The following CENPN variants were observed in gnomAD, a reference collection of about 807,000 sequenced individuals.
CENPN encodes interphase centromere complex protein 32.
In CENPN, 36 loss-of-function variants were observed where a neutral mutation model predicts 48.6. The observed-to-expected ratio is 0.74, with a 90% CI of 0.57 to 0.98. The LOEUF (loss-of-function observed/expected upper bound fraction) is 0.98. CENPN is among the 50% of genes least tolerant of loss of function. CENPN has a pLI of 0.00. For missense variants in CENPN, 439 were observed against 399.2 expected (o/e 1.10, Z -0.85); for synonymous variants, 166 against 135.2 (o/e 1.23, Z -1.58).
Position 81,020,436 on chromosome 16 carries a change from T to C in CENPN, c.531+160T>C, listed in dbSNP as rs867077198. ...TACTTGGGAGGCTGAAGTGGGAGGA[T>C]TGCTCGTGCCCACGAGTCCAAGGCT... On this transcript the variant is annotated intron_variant, in intron 6 of 10. Coordinates refer to ENST00000305850, the MANE Select transcript of CENPN (RefSeq NM_001100624.3). 5 of 647,320 alleles carry C rather than the reference T, an allele frequency of 7.7e-6. No homozygotes were observed. The East Asian group carries it at 9.7e-5, about 13-fold the overall frequency. 40.1% of individuals were successfully genotyped at this position (647,320 alleles called of 1,614,324 possible). A position where few individuals can be genotyped will look rare whatever the true frequency, so the allele number is the denominator to read the frequency against.
Position 81,017,360 on chromosome 16 carries a change from A to T in CENPN, c.252A>T (p.Glu84Asp), listed in dbSNP as rs935939. Residue 84 changes from glutamate (E) to aspartate (D), a missense_variant, in exon 4 of 11, where the codon GAA becomes GAT. Glu to Asp is a conservative substitution (Grantham distance 45). Coordinates refer to ENST00000305850, the MANE Select transcript of CENPN (RefSeq NM_001100624.3). The stretch of plus-strand genomic sequence containing the variant: ...TTCATCAGCACCAGAAAGTTTGGGA[A>T]GTTTTTCAGATGAGTAAAGGACCAG... ...MQFHQHQKVW[E>D]VFQMSKGPGE... 1,593,156 of 1,597,380 alleles carry T rather than the reference A, an allele frequency of 1. 794,563 individuals are homozygous for T. Among genetic ancestry groups the T allele is most frequent in the East Asian group, 1 (44,748 of 44,748 alleles).
At chr16:81,024,238 T>C (rs1249222688) in intron 7 of CENPN, 1 of 129,082 alleles carries the variant, frequency 7.7e-6, no homozygotes, top group Admixed American at 7.9e-5. Flanking sequence ...AGATATTGTC[T>C]AAAAAAAAAA....
chr16:81,007,788 T>C (rs1293790437), intron 1 of CENPN, among the ~76,000 whole-genome samples: 1 of 152,170 alleles, frequency 6.6e-6, no homozygotes, highest in Non-Finnish European at 1.5e-5. Context: ...TGTCAGACAC[T>C]AAAACGCTAG....
intron 8 of CENPN, among the ~76,000 whole-genome samples, chr16:81,026,165 A>ATGTG (rs1389383930): frequency 6.8e-6 from 1 of 146,510 alleles, no homozygotes; most frequent in African/African-American, 2.6e-5. Flanking sequence ...GTGTATATAT[A>ATGTG]TGTGTATATA....
intron 5 of CENPN, among the ~76,000 whole-genome samples, 176 bp downstream of exon 5, chr16:81,018,010 C>G (rs1418671474): frequency 6.6e-6 from 1 of 152,060 alleles, no homozygotes; most frequent in Non-Finnish European, 1.5e-5. Flanking sequence ...TCCCTTTCCT[C>G]TCTCCTGTCC....
chr16:81,032,446 G>C, downstream of CENPN: 2 of 919,784 alleles, frequency 2.2e-6, no homozygotes, highest in Non-Finnish European at 3.3e-6. Context: ...CACCCCATTG[G>C]GGGTTGGGGA....
At chr16:81,018,623 A>C (rs999138519) in intron 5 of CENPN, among the ~76,000 whole-genome samples, 1 of 152,224 alleles carries the variant, frequency 6.6e-6, no homozygotes, top group Non-Finnish European at 1.5e-5. Flanking sequence ...GAAGCTATTC[A>C]GAATAAGACA....
At chr16:81,027,642 A>G (rs2602427) in intron 9 of CENPN, among the ~76,000 whole-genome samples, 3,412 of 152,346 alleles carry the variant, frequency 0.022, 70 homozygotes, top group Non-Finnish European at 0.037. Flanking sequence ...CCCATGTAGC[A>G]GGCACTGTGC....
chr16:81,025,654 C>T (rs79957369), intron 8 of CENPN, among the ~76,000 whole-genome samples: 19,750 of 149,490 alleles, frequency 0.13, 1,296 homozygotes, highest in East Asian at 0.2. Context: ...CCAAGAGATC[C>T]AGTCCAGACT....
chr16:81,026,089 G>GTGTGTGTGTGTGTA (rs750276928), intron 8 of CENPN, among the ~76,000 whole-genome samples: 18 of 137,642 alleles, frequency 1.3e-4, no homozygotes, highest in African/African-American at 5.0e-4. Flanking sequence ...GTGTGTGTGT[G>GTGTGTGTGTGTGTA]TATATATATG....
Position 81,029,424 on chromosome 16 carries a change from G to GT in CENPN, c.*773_*774insT. On this transcript the variant is annotated 3_prime_UTR_variant, in exon 11 of 11. Transcript: ENST00000305850. Reference sequence around the variant, plus strand: ...ATTTCTTTATTTATTTATTGAGACAGGGTCTCACTGTGTCACCCAAGCTGG... The same window carrying GT: ...ATTTCTTTATTTATTTATTGAGACAGTGGTCTCACTGTGTCACCCAAGCTGG... 2 of 458,498 alleles carry GT rather than the reference G, an allele frequency of 4.4e-6. No homozygotes were observed. Among genetic ancestry groups the GT allele is most frequent in the Non-Finnish European group, 5.7e-6 (2 of 348,608 alleles). The allele number at this position is 458,498 out of a possible 1,614,324, so 28.4% of individuals were successfully genotyped here. A position where few individuals can be genotyped will look rare whatever the true frequency, so the allele number is the denominator to read the frequency against.
chr16:81,030,466 G>C lies in CENPN; in HGVS notation c.*1815G>C. On this transcript the variant is annotated 3_prime_UTR_variant, in exon 11 of 11. Transcript: ENST00000305850. ...TGATATAGAAAAATGACTTCACTCT[G>C]GGCCGGGTGTAGTGGCTCACGCCTG... is the stretch of plus-strand genomic sequence containing the variant. 1 of 933,840 alleles carries C rather than the reference G, an allele frequency of 1.1e-6. No individual in the cohort carries two copies. Among genetic ancestry groups the C allele is most frequent in the African/African-American group, 1.8e-5 (1 of 56,338 alleles). The allele number at this position is 933,840 out of a possible 1,614,324, so 57.8% of individuals were successfully genotyped here. A position where few individuals can be genotyped will look rare whatever the true frequency, so the allele number is the denominator to read the frequency against.
At chr16:81,027,690 A>AGTT in intron 9 of CENPN, among the ~76,000 whole-genome samples, 1 of 152,214 alleles carries the variant, frequency 6.6e-6, no homozygotes, top group South Asian at 2.1e-4. Context: ...TTGATACACC[A>AGTT]GTTGCCCTCT....
Position 81,028,164 on chromosome 16 carries a change from T to C in CENPN, c.811-7T>C, listed in dbSNP as rs779279730. 23 of 1,599,118 alleles carry C rather than the reference T, an allele frequency of 1.4e-5. No homozygotes were observed. The highest frequency in any genetic ancestry group is 2.0e-5 in the Non-Finnish European group (23 of 1,166,392). ...TTTAATAGTCATTTATAAATGTTTG[T>C]TGACAGCTTGAAACGAAATTCAAAA... On this transcript the variant is annotated splice_polypyrimidine_tract_variant and splice_region_variant and intron_variant, in intron 9 of 10. Transcript: ENST00000305850.
intron 3 of CENPN, chr16:81,014,400 A>G (rs1362936584): frequency 1.0e-5 from 5 of 492,336 alleles, no homozygotes; most frequent in Non-Finnish European, 1.8e-5. Context: ...ATGTATGGCT[A>G]ATTTTTTGTA....
At chr16:81,026,931 C>T (rs1433040771) in intron 9 of CENPN, among the ~76,000 whole-genome samples, 3 of 152,032 alleles carry the variant, frequency 2.0e-5, no homozygotes, top group East Asian at 3.9e-4. Context: ...GCTGGGATTA[C>T]AGGCACCTGC....
chr16:81,032,472 C>T (rs926731956), downstream of CENPN: 13 of 1,224,432 alleles, frequency 1.1e-5, no homozygotes, highest in African/African-American at 1.7e-4. Context: ...CACTCTGATG[C>T]CTCCCCTCCC....
Position 81,011,907 on chromosome 16 carries a change from G to A in CENPN, c.-10-23G>A, listed in dbSNP as rs775225836. Reference sequence around the variant, plus strand: ...TATTGTATTTGGTTAATACTTTGTTGTGCTGTTTTTGTTTTGTAAAAGTGC... The same window carrying A: ...TATTGTATTTGGTTAATACTTTGTTATGCTGTTTTTGTTTTGTAAAAGTGC... On this transcript the variant is annotated intron_variant, in intron 1 of 10. Transcript: ENST00000305850. 2.3e-5 allele frequency: 36 copies of A among 1,588,760 alleles called. No individual in the cohort carries two copies. In the South Asian group the frequency reaches 3.7e-4, roughly 16 times the overall value.
Position 81,028,849 on chromosome 16 carries a change from A to G in CENPN, c.*198A>G, listed in dbSNP as rs1319846513. The G allele has an allele frequency of 1.5e-6, 2 of 1,348,134 alleles. No homozygotes were observed. The highest frequency in any genetic ancestry group is 1.9e-6 in the Non-Finnish European group (2 of 1,055,234). 83.5% of individuals were successfully genotyped at this position (1,348,134 alleles called of 1,614,324 possible). A position where few individuals can be genotyped will look rare whatever the true frequency, so the allele number is the denominator to read the frequency against. On this transcript the variant is annotated 3_prime_UTR_variant, in exon 11 of 11. Transcript: ENST00000305850. ...TGCCTCCTCTCTCTGATATCCTGCT[A>G]ACTGTAGCCGTTGTGGCATTTGAGA...
Sources: gnomAD v4.1 joint callset for allele counts (sites outside exome capture counted in the v4.1 genomes callset) on GRCh38, gnomAD v4.1.1 for gene constraint, MANE v1.5 for transcripts, NCBI Gene and HGNC (gene_info 2026-07-23, HGNC 2026-07-21) for gene names.